Variants in PHC2 observed in about 807,000 individuals in gnomAD.
PHC2 encodes the protein polyhomeotic-like protein 2.
In PHC2, 29 loss-of-function variants were observed where a neutral mutation model predicts 87.4. That is an observed-to-expected ratio of 0.33 (90% confidence interval 0.25 to 0.45). The LOEUF (loss-of-function observed/expected upper bound fraction) is 0.45, where lower values mean the gene tolerates loss of function less well. Among genes scored for constraint, PHC2 ranks in the 20% least tolerant of loss-of-function variants. The probability of loss-of-function intolerance (pLI) is 1.00; values close to 1 mark genes in which losing one functional copy is unlikely to be tolerated. For synonymous variants in PHC2, 438 were observed against 461.7 expected, an observed-to-expected ratio of 0.95 and a Z score of 0.66; for missense variants, 857 against 1,136.7, an observed-to-expected ratio of 0.75 and a Z score of 3.54.
At chr1:33,411,917 TAAC>T (rs1415579863) in intron 1 of PHC2, among the ~76,000 whole-genome samples, 1 of 152,142 alleles carries the variant, frequency 6.6e-6, no homozygotes, top group Admixed American at 6.6e-5. Context: ...TCAACCATCA[TAAC>T]AATTCACAAC....
At chr1:33,416,577 A>G (rs1382247808) in intron 1 of PHC2, among the ~76,000 whole-genome samples, 1 of 128,268 alleles carries the variant, frequency 7.8e-6, no homozygotes, top group East Asian at 2.4e-4. Context: ...TTCTGTCTCA[A>G]AAAAAAGAAA....
rs181195613 is a variant in PHC2, at chr1:33,334,678, T to C, written c.1559-386A>G. 2.5e-3 allele frequency among the ~76,000 whole-genome samples: 388 copies of C among 152,300 alleles called. 1 individual carries two copies. The highest frequency in any genetic ancestry group is 8.7e-3 in the African/African-American group (363 of 41,568). ...GTTTGAGGGAGAAAAGTATTCAAGG[T>C]GACATCTAAAACCAGGACAAGAAGC... On this transcript the variant is annotated intron_variant, in intron 9 of 14. Coordinates refer to ENST00000683057, the MANE Select transcript of PHC2 (RefSeq NM_001385109.1). This position sits in a 1 kb window ranked among gnomAD's most constrained non-coding sequence, Gnocchi z 5.5.
intron 13 of PHC2, 137 bp from the exon 14 acceptor site, chr1:33,329,283 A>G (rs2148188984): frequency 1.2e-6 from 1 of 816,622 alleles, no homozygotes; most frequent in Non-Finnish European, 1.9e-6. Flanking sequence ...AGCATCTTCC[A>G]TGCTGTCCTG....
intron 1 of PHC2, among the ~76,000 whole-genome samples, chr1:33,420,177 C>T (rs556204423): frequency 1.3e-5 from 2 of 152,170 alleles, no homozygotes; most frequent in South Asian, 4.1e-4. Flanking sequence ...CTACAACAAA[C>T]CTGTTATGCA....
intron 1 of PHC2, among the ~76,000 whole-genome samples, chr1:33,389,476 A>G (rs1401517327): frequency 2.0e-5 from 3 of 151,952 alleles, no homozygotes; most frequent in African/African-American, 7.3e-5. Flanking sequence ...TGAAGGCCTC[A>G]TTGCTTTGGC....
chr1:33,385,680 G>A (rs1648707229), intron 1 of PHC2, among the ~76,000 whole-genome samples: 1 of 152,150 alleles, frequency 6.6e-6, no homozygotes, highest in African/African-American at 2.4e-5. Context: ...TTTGAGACCG[G>A]CTGGTCTCAG....
In PHC2 at chr1:33,349,745, C is replaced by G; in HGVS notation, c.1558+4656G>C. 3 of 992,516 alleles carry G rather than the reference C, an allele frequency of 3.0e-6. No homozygotes were observed. The highest frequency in any genetic ancestry group is 3.6e-6 in the Non-Finnish European group (3 of 833,880). 61.5% of individuals were successfully genotyped at this position (992,516 alleles called of 1,614,324 possible). ...GGGCCCGGGGCTGCCGCGGCGCATC[C>G]GACCGCACCGGCCTGGCCGGCGTCA... is the stretch of plus-strand genomic sequence containing the variant. On this transcript the variant is annotated intron_variant, in intron 9 of 14. Coordinates refer to ENST00000683057, the MANE Select transcript of PHC2 (RefSeq NM_001385109.1). The surrounding 1 kb of genome is among the most constrained non-coding windows in gnomAD (Gnocchi z 4.2).
At chr1:33,348,559 T>C (rs1646889084) in intron 9 of PHC2, among the ~76,000 whole-genome samples, 1 of 152,106 alleles carries the variant, frequency 6.6e-6, no homozygotes, top group African/African-American at 2.4e-5. Flanking sequence ...GACAATGGGA[T>C]GGAATAGTTT....
intron 9 of PHC2, chr1:33,345,581 C>A (rs1646830918): frequency 1.0e-6 from 1 of 984,586 alleles, no homozygotes; most frequent in Admixed American, 6.1e-5. Context: ...CGGTTTATGA[C>A]TTAAATTATA....
At chr1:33,326,939 C>T (rs1247272772) in intron 14 of PHC2, among the ~76,000 whole-genome samples, 1 of 151,882 alleles carries the variant, frequency 6.6e-6, no homozygotes, top group Non-Finnish European at 1.5e-5. Flanking sequence ...ATGGAGCAAG[C>T]CTCTATCTCA....
At chr1:33,329,176 G>A (rs1459998763) in intron 13 of PHC2, 30 bp from the exon 14 acceptor site, 1 of 1,599,354 alleles carries the variant, frequency 6.3e-7, no homozygotes, top group Non-Finnish European at 8.5e-7. Flanking sequence ...TTCAGGATGG[G>A]GGAACAAACC....
intron 9 of PHC2, among the ~76,000 whole-genome samples, chr1:33,336,190 T>C (rs1377806632): frequency 2.0e-5 from 3 of 152,032 alleles, no homozygotes; most frequent in Non-Finnish European, 2.9e-5. Context: ...GGTTTCACCA[T>C]GTTGGCCAGG....
At chr1:33,391,135 A>C (rs1649035084) in intron 1 of PHC2, among the ~76,000 whole-genome samples, 1 of 152,176 alleles carries the variant, frequency 6.6e-6, no homozygotes, top group African/African-American at 2.4e-5. Flanking sequence ...CACACAACAA[A>C]ATCACCTGGA....
At chr1:33,339,404 C>A (rs111856719) in intron 9 of PHC2, among the ~76,000 whole-genome samples, 3 of 151,994 alleles carry the variant, frequency 2.0e-5, no homozygotes, top group African/African-American at 7.3e-5. Context: ...ACCTGCCTAC[C>A]GGAGCGGCAT....
chr1:33,348,373 C>T (rs1469439952), intron 9 of PHC2, among the ~76,000 whole-genome samples: 2 of 152,186 alleles, frequency 1.3e-5, no homozygotes, highest in East Asian at 3.8e-4. Flanking sequence ...ACCTAGAAAT[C>T]CTGGCAGTTC....
intron 9 of PHC2, among the ~76,000 whole-genome samples, chr1:33,352,574 A>T (rs1285120268): frequency 6.6e-6 from 1 of 152,266 alleles, no homozygotes; most frequent in Non-Finnish European, 1.5e-5. Context: ...GTAACACTTA[A>T]CAGATGTAAG....
chr1:33,363,798 C>A, intron 7 of PHC2: 2 of 985,360 alleles, frequency 2.0e-6, no homozygotes, highest in Non-Finnish European at 2.4e-6. Context: ...CTCCAAGAAC[C>A]AAGTCTCCTA....
At chr1:33,354,663 G>T in intron 8 of PHC2, 97 bp from the exon 9 acceptor site, 1 of 1,396,290 alleles carries the variant, frequency 7.2e-7, no homozygotes, top group Non-Finnish European at 9.7e-7. Flanking sequence ...AAGCAGGTAA[G>T]GACCTTAAGA....
In PHC2 at chr1:33,334,901, C is replaced by T. The variant is rs937565123; in HGVS notation, c.1559-609G>A. On this transcript the variant is annotated intron_variant, in intron 9 of 14. Transcript: ENST00000683057. The surrounding 1 kb of genome is among the most constrained non-coding windows in gnomAD (Gnocchi z 5.5). ...AGAGACTGGTCATCTGGGGTCAGTG[C>T]ATTGAAATATGCAGAAATTCCATTT... is the stretch of plus-strand genomic sequence containing the variant. 2.6e-5 allele frequency among the ~76,000 whole-genome samples: 4 copies of T among 152,184 alleles called. No homozygotes were observed. Among genetic ancestry groups the T allele is most frequent in the African/African-American group, 4.8e-5 (2 of 41,424 alleles).
Sources: gnomAD v4.1 joint callset for allele counts (sites outside exome capture counted in the v4.1 genomes callset) on GRCh38, gnomAD v4.1.1 for gene constraint, Gnocchi (gnomAD v3.1) non-coding constraint, MANE v1.5 for transcripts, NCBI Gene and HGNC (gene_info 2026-07-23, HGNC 2026-07-21) for gene names.